Variants in SPHK1 observed in about 807,000 individuals in gnomAD.
SPHK1 encodes the protein SK 1.
A neutral mutation model predicts 14.6 loss-of-function variants in SPHK1; 10 were observed. The observed-to-expected ratio is 0.68, with a 90% CI of 0.42 to 1.16. SPHK1 has a LOEUF of 1.16. SPHK1 is among the 50% of genes most tolerant of loss of function. SPHK1 has a pLI of 0.00. For missense variants in SPHK1, 553 were observed against 525.4 expected (o/e 1.05, Z -0.51); for synonymous variants, 274 against 224.0 (o/e 1.22, Z -1.99).
In SPHK1 at chr17:76,386,150, C is replaced by G. The variant is rs758804598; in HGVS notation, c.163+13C>G. 6.3e-7 allele frequency: 1 copy of G among 1,591,310 alleles called. No individual in the cohort carries two copies. Among genetic ancestry groups the G allele is most frequent in the East Asian group, 2.2e-5 (1 of 44,466 alleles). ...CTGATGCTCACTGGTGAGTACCTCT[C>G]GGAGGGGGTTTCGGGAGCATCCCCT... On this transcript the variant is annotated intron_variant, in intron 3 of 5. Coordinates refer to ENST00000592299, the MANE Select transcript of SPHK1 (RefSeq NM_001142601.2). This position sits in a 1 kb window ranked among gnomAD's most constrained non-coding sequence, Gnocchi z 5.3.
rs2071997035 is a variant in SPHK1, at chr17:76,386,935, C to T, written c.504C>T (p.Ser168=). ...ASGLRLFSVL[S]LAWGFIADVD... ...GGCTGCGCCTCTTCTCTGTGCTCAG[C>T]CTGGCCTGGGGCTTCATTGCTGATG... Residue 168 remains serine (S), a synonymous_variant, in exon 6 of 6, where the codon AGC becomes AGT. Coordinates refer to ENST00000592299, the MANE Select transcript of SPHK1 (RefSeq NM_001142601.2). The surrounding 1 kb of genome is among the most constrained non-coding windows in gnomAD (Gnocchi z 5.3). The T allele has an allele frequency of 6.2e-7, 1 of 1,613,342 alleles. No homozygotes were observed. The highest frequency in any genetic ancestry group is 8.5e-7 in the Non-Finnish European group (1 of 1,179,780).
At chr17:76,383,794 G>A (rs2071909337), upstream of SPHK1, 1 of 1,272,446 alleles carries the variant, frequency 7.9e-7, no homozygotes, top group African/African-American at 1.5e-5. Flanking sequence ...TTCTGAGCGC[G>A]TTTCCGGCGC....
rs1463090070 is a variant in SPHK1, at chr17:76,387,023, C to G, written c.592C>G (p.Leu198Val). The part of the protein sequence containing the change: ...GEMRFTLGTF[L>V]RLAALRTYRG... Reference sequence around the variant, plus strand: ...GATGCGCTTCACTCTGGGCACCTTCCTGCGTCTGGCAGCCCTGCGCACCTA... The same window carrying G: ...GATGCGCTTCACTCTGGGCACCTTCGTGCGTCTGGCAGCCCTGCGCACCTA... Residue 198 changes from leucine (L) to valine (V), a missense_variant, in exon 6 of 6, where the codon CTG becomes GTG. By Grantham distance (32) the Leu-to-Val change is conservative (BLOSUM62 1). Transcript: ENST00000592299. This position sits in a 1 kb window ranked among gnomAD's most constrained non-coding sequence, Gnocchi z 4.1. The G allele has an allele frequency of 1.9e-6, 3 of 1,613,642 alleles. No individual in the cohort carries two copies. Among genetic ancestry groups the G allele is most frequent in the Admixed American group, 3.3e-5 (2 of 60,006 alleles).
Position 76,385,030 on chromosome 17 carries a change from C to G in SPHK1, c.-195+224C>G. 1.3e-6 allele frequency: 2 copies of G among 1,502,972 alleles called. No homozygotes were observed. The highest frequency in any genetic ancestry group is 1.8e-6 in the Non-Finnish European group (2 of 1,116,308). 93.1% of individuals were successfully genotyped at this position (1,502,972 alleles called of 1,614,324 possible). On this transcript the variant is annotated intron_variant, in intron 1 of 5. Coordinates refer to ENST00000592299, the MANE Select transcript of SPHK1 (RefSeq NM_001142601.2). The surrounding 1 kb of genome is among the most constrained non-coding windows in gnomAD (Gnocchi z 5.3). ...AGCGCGCGCCGCGGCTCCCACCGCTCTGGAGCTCCGGGCAGGGGACACGGC... is the reference window on the plus strand; with the variant it reads ...AGCGCGCGCCGCGGCTCCCACCGCTGTGGAGCTCCGGGCAGGGGACACGGC...
chr17:76,387,288 ATCTGT>A lies in SPHK1; in HGVS notation c.861_865del (p.Phe288ArgfsTer26). 1 of 1,613,460 alleles carries A rather than the reference ATCTGT, an allele frequency of 6.2e-7. No individual in the cohort carries two copies. The highest frequency in any genetic ancestry group is 8.5e-7 in the Non-Finnish European group (1 of 1,179,940). On this transcript the variant is annotated frameshift_variant, in exon 6 of 6. Transcript: ENST00000592299. LOFTEE classifies it low-confidence loss of function (END_TRUNC). The surrounding 1 kb of genome is among the most constrained non-coding windows in gnomAD (Gnocchi z 4.1). The stretch of plus-strand genomic sequence containing the variant: ...GGCCGCTGTGCAGCTGGCGTCATGC[ATCTGT>A]TCTACGTGCGGGCGGGAGTGTCTCG...
rs759686355 is a variant in SPHK1, at chr17:76,386,020, C to G, written c.46C>G (p.Arg16Gly). 3 of 1,605,366 alleles carry G rather than the reference C, an allele frequency of 1.9e-6. No homozygotes were observed. The highest frequency in any genetic ancestry group is 1.1e-5 in the South Asian group (1 of 90,586). Residue 16 changes from arginine to glycine, a missense_variant, in exon 3 of 6, where the codon CGC (arginine) becomes GGC (glycine). Transcript: ENST00000592299. The surrounding 1 kb of genome is among the most constrained non-coding windows in gnomAD (Gnocchi z 5.3). The part of the protein sequence containing the change: ...GPRGVLPRPC[R>G]VLVLLNPRGG... ...CCGGGGCGTGCTCCCGCGGCCCTGC[C>G]GCGTGCTGGTGCTGCTGAACCCGCG...
At position 76,387,280 on chromosome 17, in the gene SPHK1, C is replaced by T. The variant is rs572822115; in HGVS notation, c.849C>T (p.Gly283=). 6.2e-6 allele frequency: 10 copies of T among 1,613,476 alleles called. No homozygotes were observed. The highest frequency in any genetic ancestry group is 1.6e-4 in the Middle Eastern group (1 of 6,062). The change falls in exon 6 of 6, where the codon GGC becomes GGT. Residue 283 remains glycine, a synonymous_variant. Coordinates refer to ENST00000592299, the MANE Select transcript of SPHK1 (RefSeq NM_001142601.2). The surrounding 1 kb of genome is among the most constrained non-coding windows in gnomAD (Gnocchi z 4.1). ...FAAPMGRCAA[G]VMHLFYVRAG... is the part of the protein sequence containing the mutation. ...CACCCATGGGCCGCTGTGCAGCTGG[C>T]GTCATGCATCTGTTCTACGTGCGGG... is the stretch of plus-strand genomic sequence containing the variant.
rs915512991 is a variant in SPHK1 at position 76,387,672 on chromosome 17, G to C, written c.*86G>C. On this transcript the variant is annotated 3_prime_UTR_variant, in exon 6 of 6. Coordinates refer to ENST00000592299, the MANE Select transcript of SPHK1 (RefSeq NM_001142601.2). The surrounding 1 kb of genome is among the most constrained non-coding windows in gnomAD (Gnocchi z 4.1). ...TGCAGGGCCTGTCCACAGCTCCTGT[G>C]GGGGTGGAGGAGACTCCTCTGGAGA... 2 of 1,404,980 alleles carry C rather than the reference G, an allele frequency of 1.4e-6. No individual in the cohort carries two copies. The highest frequency in any genetic ancestry group is 2.4e-5 in the East Asian group (1 of 42,294). 87.0% of individuals were successfully genotyped at this position (1,404,980 alleles called of 1,614,324 possible).
rs1423064138 is a variant in SPHK1 at position 76,386,909 on chromosome 17, G to A, written c.478G>A (p.Gly160Arg). ...MNLLSLHTAS[G>R]LRLFSVLSLA... ...CCTGCTGTCTCTGCACACGGCTTCG[G>A]GGCTGCGCCTCTTCTCTGTGCTCAG... Residue 160 changes from glycine (G) to arginine (R), a missense_variant, in exon 6 of 6, where the codon GGG becomes AGG. Gly to Arg is a moderately radical substitution (Grantham distance 125, BLOSUM62 -2). Coordinates refer to ENST00000592299, the MANE Select transcript of SPHK1 (RefSeq NM_001142601.2). The surrounding 1 kb of genome is among the most constrained non-coding windows in gnomAD (Gnocchi z 5.3). 2 of 1,612,694 alleles carry A rather than the reference G, an allele frequency of 1.2e-6. No individual in the cohort carries two copies. Among genetic ancestry groups the A allele is most frequent in the Non-Finnish European group, 1.7e-6 (2 of 1,179,372 alleles).
chr17:76,386,818 C>T lies in SPHK1; in HGVS notation c.387C>T (p.Val129=). 3 of 1,550,984 alleles carry T rather than the reference C, an allele frequency of 1.9e-6. No individual in the cohort carries two copies. The highest frequency in any genetic ancestry group is 2.6e-6 in the Non-Finnish European group (3 of 1,146,568). ...TTTCCCCCTGCAGCTATGAGCAGGT[C>T]ACCAATGAAGACCTCCTGACCAACT... The part of the protein sequence containing the change: ...SLNHYAGYEQ[V]TNEDLLTNCT... The change falls in exon 6 of 6, where the codon GTC becomes GTT. Residue 129 remains valine, a synonymous_variant. Coordinates refer to ENST00000592299, the MANE Select transcript of SPHK1 (RefSeq NM_001142601.2). This position sits in a 1 kb window ranked among gnomAD's most constrained non-coding sequence, Gnocchi z 5.3.
chr17:76,385,699 TCCTCGCCAGGAATGATGGAACGCCC>T lies in SPHK1; in HGVS notation c.10+46_10+70del. 2 of 1,501,664 alleles carry T rather than the reference TCCTCGCCAGGAATGATGGAACGCCC, an allele frequency of 1.3e-6. No homozygotes were observed. Among genetic ancestry groups the T allele is most frequent in the Non-Finnish European group, 1.8e-6 (2 of 1,118,154 alleles). The allele number at this position is 1,501,664 out of a possible 1,614,324, so 93.0% of individuals were successfully genotyped here. ...GGAAGGGCTGTAGGGGGATTCCTGT[TCCTCGCCAGGAATGATGGAACGCCC>T]AGCTGGACGAAAGGGGCTGTGGACG... On this transcript the variant is annotated intron_variant, in intron 2 of 5. Transcript: ENST00000592299. The surrounding 1 kb of genome is among the most constrained non-coding windows in gnomAD (Gnocchi z 5.3).
chr17:76,385,457 C>A lies in SPHK1; in HGVS notation c.-188C>A. On this transcript the variant is annotated 5_prime_UTR_variant, in exon 2 of 6. Transcript: ENST00000592299. This position sits in a 1 kb window ranked among gnomAD's most constrained non-coding sequence, Gnocchi z 5.3. ...GCTGTCTTCTCTCCCTCAGGTCCAG[C>A]CGCCGCAGGGAATGACGCCGGTGCT... The A allele has an allele frequency of 1.3e-6, 2 of 1,547,524 alleles. No individual in the cohort carries two copies. The highest frequency in any genetic ancestry group is 3.8e-5 in the Admixed American group (2 of 53,276).
Position 76,387,532 on chromosome 17 carries a change from G to C in SPHK1, c.1101G>C (p.Glu367Asp). The C allele has an allele frequency of 6.2e-7, 1 of 1,609,496 alleles. No homozygotes were observed. Residue 367 changes from glutamate (E) to aspartate (D), a missense_variant, in exon 6 of 6, where the codon GAG becomes GAC. Coordinates refer to ENST00000592299, the MANE Select transcript of SPHK1 (RefSeq NM_001142601.2). This position sits in a 1 kb window ranked among gnomAD's most constrained non-coding sequence, Gnocchi z 4.1. ...NYFWMVSGCV[E>D]PPPSWKPQQM... Reference sequence around the variant, plus strand: ...TCTGGATGGTCAGCGGTTGCGTGGAGCCCCCGCCCAGCTGGAAGCCCCAGC... The same window carrying C: ...TCTGGATGGTCAGCGGTTGCGTGGACCCCCCGCCCAGCTGGAAGCCCCAGC...
chr17:76,387,291 T>C lies in SPHK1; in HGVS notation c.860T>C (p.Leu287Pro). Residue 287 changes from leucine (L) to proline (P), a missense_variant, in exon 6 of 6, where the codon CTG becomes CCG. Physicochemically the swap from Leu to Pro is moderately conservative, Grantham distance 98 (BLOSUM62 -3). Coordinates refer to ENST00000592299, the MANE Select transcript of SPHK1 (RefSeq NM_001142601.2). This position sits in a 1 kb window ranked among gnomAD's most constrained non-coding sequence, Gnocchi z 4.1. Reference sequence around the variant, plus strand: ...CGCTGTGCAGCTGGCGTCATGCATCTGTTCTACGTGCGGGCGGGAGTGTCT... The same window carrying C: ...CGCTGTGCAGCTGGCGTCATGCATCCGTTCTACGTGCGGGCGGGAGTGTCT... The part of the protein sequence containing the change: ...MGRCAAGVMH[L>P]FYVRAGVSRA... 1.2e-6 allele frequency: 2 copies of C among 1,613,612 alleles called. No homozygotes were observed. Among genetic ancestry groups the C allele is most frequent in the South Asian group, 1.1e-5 (1 of 91,072 alleles).
upstream of SPHK1, chr17:76,383,530 G>A (rs1235102773): frequency 7.5e-6 from 2 of 265,400 alleles, no homozygotes; most frequent in African/African-American, 2.4e-5. Context: ...GATGAGAGAG[G>A]TGTGTGGGGG....
chr17:76,383,461 C>T, upstream of SPHK1: 1 of 185,046 alleles, frequency 5.4e-6, no homozygotes, highest in Non-Finnish European at 1.2e-5. Flanking sequence ...TTCAGGGCGC[C>T]GCCCGGCTAA....
rs2072022910 is a variant in SPHK1, at chr17:76,387,808, C to T, written c.*222C>T. 7.6e-6 allele frequency: 4 copies of T among 527,466 alleles called. No homozygotes were observed. The highest frequency in any genetic ancestry group is 1.3e-5 in the Non-Finnish European group (4 of 302,242). 32.7% of individuals were successfully genotyped at this position (527,466 alleles called of 1,614,324 possible). On this transcript the variant is annotated 3_prime_UTR_variant, in exon 6 of 6. Coordinates refer to ENST00000592299, the MANE Select transcript of SPHK1 (RefSeq NM_001142601.2). The surrounding 1 kb of genome is among the most constrained non-coding windows in gnomAD (Gnocchi z 4.1). ...CCTATGTAAGGCCTTCTAGTTTGTT[C>T]TGAGACCCCCACCCCACGAACCAAA... is the stretch of plus-strand genomic sequence containing the variant.
chr17:76,384,331 C>G (rs964426965), upstream of SPHK1: 5 of 151,180 alleles, frequency 3.3e-5, no homozygotes, highest in Non-Finnish European at 7.4e-5. Context: ...ACACTGCGCT[C>G]GCGGCCGGGC....
At chr17:76,383,879 C>T (rs892033913), upstream of SPHK1, 73 of 1,272,846 alleles carry the variant, frequency 5.7e-5, no homozygotes, top group Non-Finnish European at 6.6e-5. Flanking sequence ...GACGGGGGCC[C>T]CCAGGCCCAT....
Sources: allele counts gnomAD v4.1 joint callset, GRCh38; gene constraint gnomAD v4.1.1; non-coding constraint Gnocchi (gnomAD v3.1); transcripts MANE v1.5; gene names NCBI Gene and HGNC (gene_info 2026-07-23, HGNC 2026-07-21).